Variants in CSMD1 observed in about 807,000 individuals in gnomAD.
CSMD1 encodes CUB and Sushi multiple domains 1.
A neutral mutation model predicts 417.5 loss-of-function variants in CSMD1; 213 were observed. That is an observed-to-expected ratio of 0.51 (90% CI 0.46 to 0.57). The LOEUF is 0.57. CSMD1 is among the 20% of genes least tolerant of loss of function. CSMD1 has a pLI of 0.00. For synonymous variants in CSMD1, 2,862 were observed against 1,736.8 expected (o/e 1.65, Z -16.11); for missense variants, 6,923 against 4,529.7 (o/e 1.53, Z -15.17).
intron 2 of CSMD1, among the ~76,000 whole-genome samples, chr8:4,442,269 T>A (rs1041686431): frequency 6.6e-6 from 1 of 152,158 alleles, no homozygotes; most frequent in African/African-American, 2.4e-5. Flanking sequence ...ATTTTGTTTT[T>A]ATAACAGTAA....
chr8:3,998,754 A>C (rs189143404), intron 4 of CSMD1, among the ~76,000 whole-genome samples: 3 of 152,018 alleles, frequency 2.0e-5, no homozygotes, highest in Non-Finnish European at 4.4e-5. Context: ...ACAATTAAAA[A>C]ATTATTGGTT....
At chr8:3,671,436 C>T (rs1799028626) in intron 7 of CSMD1, among the ~76,000 whole-genome samples, 1 of 144,466 alleles carries the variant, frequency 6.9e-6, no homozygotes, top group South Asian at 2.2e-4. Context: ...TATATATAGT[C>T]ACATATAATC....
intron 3 of CSMD1, among the ~76,000 whole-genome samples, chr8:4,396,978 G>T (rs925566861): frequency 4.0e-5 from 6 of 151,724 alleles, no homozygotes; most frequent in African/African-American, 1.2e-4. Context: ...AATCACTAAA[G>T]GACCTATTCA....
At chr8:4,338,251 C>A (rs1585261232) in intron 3 of CSMD1, among the ~76,000 whole-genome samples, 1 of 152,244 alleles carries the variant, frequency 6.6e-6, no homozygotes, top group East Asian at 1.9e-4. Context: ...AGAATAGTTG[C>A]AATATTCCAT....
chr8:4,345,216 T>C (rs71523628), intron 3 of CSMD1, among the ~76,000 whole-genome samples: 12,892 of 152,210 alleles, frequency 0.085, 727 homozygotes, highest in Middle Eastern at 0.16. Flanking sequence ...CTAACATATA[T>C]TAGCAGCTAT....
intron 12 of CSMD1, among the ~76,000 whole-genome samples, chr8:3,451,669 G>A (rs1007489691): frequency 4.6e-5 from 7 of 152,140 alleles, no homozygotes; most frequent in South Asian, 4.2e-4. Flanking sequence ...TGTTCCATTG[G>A]TCTATATCTC....
intron 1 of CSMD1, among the ~76,000 whole-genome samples, chr8:4,963,443 A>G (rs1038770305): frequency 6.6e-6 from 1 of 151,872 alleles, no homozygotes; most frequent in South Asian, 2.1e-4. Flanking sequence ...CAAGCAATCC[A>G]CCCACCTCGA....
At chr8:3,099,398 T>C (rs1455477898) in intron 46 of CSMD1, among the ~76,000 whole-genome samples, 2 of 152,134 alleles carry the variant, frequency 1.3e-5, no homozygotes, top group Non-Finnish European at 2.9e-5. Context: ...GCCTCTTCTG[T>C]CTGTGGTGGA....
intron 2 of CSMD1, among the ~76,000 whole-genome samples, chr8:4,630,977 C>T (rs753559392): frequency 1.3e-5 from 2 of 152,166 alleles, no homozygotes; most frequent in Non-Finnish European, 2.9e-5. Context: ...GTGTGGTGTT[C>T]ATATGAGGCT....
chr8:4,507,364 C>T (rs1269951974), intron 2 of CSMD1, among the ~76,000 whole-genome samples: 2 of 152,138 alleles, frequency 1.3e-5, no homozygotes, highest in African/African-American at 2.4e-5. Flanking sequence ...AAGACTCTCC[C>T]ATTAGATAGT....
At chr8:4,454,526 G>C (rs1563193069) in intron 2 of CSMD1, among the ~76,000 whole-genome samples, 1 of 152,120 alleles carries the variant, frequency 6.6e-6, no homozygotes, top group African/African-American at 2.4e-5. Context: ...GAAAAAGTGT[G>C]GTTTCTGATT....
chr8:4,391,903 G>C (rs755351626), intron 3 of CSMD1, among the ~76,000 whole-genome samples: 9 of 152,182 alleles, frequency 5.9e-5, no homozygotes, highest in Non-Finnish European at 1.3e-4. Context: ...CTTCTTTTCA[G>C]ATGTCTTAGA....
rs1215327244 is a variant in CSMD1, at chr8:4,894,808, G to T, written c.85+99524C>A. On this transcript the variant is annotated intron_variant, in intron 1 of 69. Coordinates refer to ENST00000635120, the MANE Select transcript of CSMD1 (RefSeq NM_033225.6). ...TTTTAATTTTATTTCCTCATGAACG[G>T]ACAACTTGATCTGTGCCAATTTGCT... Among the ~76,000 whole-genome samples, 3 of 151,914 alleles carry T rather than the reference G, an allele frequency of 2.0e-5. No individual in the cohort carries two copies. In the East Asian group the frequency reaches 5.8e-4, roughly 29 times the overall value.
chr8:3,850,948 CTTG>C (rs1207940520), intron 5 of CSMD1, among the ~76,000 whole-genome samples: 13 of 151,930 alleles, frequency 8.6e-5, no homozygotes, highest in Non-Finnish European at 1.5e-4. Context: ...CTTCTTTTAA[CTTG>C]TTGTTATATA....
intron 50 of CSMD1, among the ~76,000 whole-genome samples, chr8:3,038,262 C>G (rs2128982020): frequency 6.6e-6 from 1 of 152,270 alleles, no homozygotes; most frequent in East Asian, 1.9e-4. Flanking sequence ...AGTTTTGCAA[C>G]TTTATTACCT....
intron 28 of CSMD1, among the ~76,000 whole-genome samples, chr8:3,222,747 G>A (rs1432084881): frequency 6.6e-6 from 1 of 152,178 alleles, no homozygotes; most frequent in Non-Finnish European, 1.5e-5. Context: ...CTGGTTTTCT[G>A]TAATAGCTGA....
In CSMD1 at chr8:4,794,596, C is replaced by T. The variant is rs7000508; in HGVS notation, c.86-157038G>A. On this transcript the variant is annotated intron_variant, in intron 1 of 69. Transcript: ENST00000635120. ...TCTTCCCCTTCTCTCACCCCTCACA[C>T]GCCTCTGGGCTGCAAGGCTGATGTG... 2.2e-3 allele frequency among the ~76,000 whole-genome samples: 339 copies of T among 152,254 alleles called. 1 individual carries two copies. The highest frequency in any genetic ancestry group is 7.8e-3 in the African/African-American group (324 of 41,540).
At chr8:4,329,387 C>G (rs540480243) in intron 3 of CSMD1, among the ~76,000 whole-genome samples, 2 of 152,226 alleles carry the variant, frequency 1.3e-5, no homozygotes, top group East Asian at 1.9e-4. Context: ...CTCCCAGGTA[C>G]AAGTGATTCT....
chr8:3,757,830 A>G (rs1797744374), intron 5 of CSMD1, among the ~76,000 whole-genome samples: 1 of 149,004 alleles, frequency 6.7e-6, no homozygotes, highest in African/African-American at 2.5e-5. Context: ...GCCTGGGTGA[A>G]AAGAGCGAGA....
Sources: allele counts gnomAD v4.1 joint callset (sites outside exome capture counted in the v4.1 genomes callset), GRCh38; gene constraint gnomAD v4.1.1; transcripts MANE v1.5; gene names NCBI Gene and HGNC (gene_info 2026-07-23, HGNC 2026-07-21).